The following ANO2 variants were observed in gnomAD, a reference collection of about 807,000 sequenced individuals.
ANO2 encodes anoctamin 2.
Under a neutral mutation model 124.2 loss-of-function variants are expected in ANO2, and 101 were observed. The ratio of observed to expected loss-of-function variants is 0.81; its 90% confidence interval spans 0.69 to 0.96. The LOEUF (loss-of-function observed/expected upper bound fraction) is 0.96, where lower values mean the gene tolerates loss of function less well. Ranked by LOEUF, ANO2 falls within the 40% of genes least tolerant of loss-of-function variation. The pLI is 0.00. For missense variants in ANO2, 1,293 were observed against 1,274.5 expected (o/e 1.01, Z -0.22); for synonymous variants, 486 against 482.5 (o/e 1.01, Z -0.09).
At chr12:5,739,147 A>G (rs1194721272) in intron 13 of ANO2, 170 bp downstream of exon 13, 1 of 714,642 alleles carries the variant, frequency 1.4e-6, no homozygotes, top group Non-Finnish European at 2.5e-6. Context: ...GCCTCAGAGT[A>G]GGTCAACCAT....
intron 20 of ANO2, among the ~76,000 whole-genome samples, chr12:5,582,795 A>G (rs1267270709): frequency 2.0e-5 from 3 of 152,004 alleles, no homozygotes; most frequent in African/African-American, 7.2e-5. Context: ...ACATGCCACT[A>G]CTGTCTGTAA....
chr12:5,923,163 T>TGCACAC (rs1555184604), intron 1 of ANO2, among the ~76,000 whole-genome samples: 1 of 16,128 alleles, frequency 6.2e-5, no homozygotes, highest in Admixed American at 1.1e-3. Context: ...CACACACGCA[T>TGCACAC]ACACACACAC....
intron 19 of ANO2, among the ~76,000 whole-genome samples, chr12:5,606,538 T>C (rs1457187665): frequency 6.6e-6 from 1 of 152,228 alleles, no homozygotes; most frequent in Non-Finnish European, 1.5e-5. Context: ...TGGAAACTGA[T>C]GGTGTTAGTT....
intron 4 of ANO2, among the ~76,000 whole-genome samples, chr12:5,841,259 G>A (rs1954504946): frequency 6.6e-6 from 1 of 152,214 alleles, no homozygotes; most frequent in African/African-American, 2.4e-5. Context: ...ACAACCTGGA[G>A]CCAAAGGAAG....
At chr12:5,803,646 G>A (rs4930804) in intron 9 of ANO2, among the ~76,000 whole-genome samples, 69,975 of 151,902 alleles carry the variant, frequency 0.46, 16,994 homozygotes, top group Non-Finnish European at 0.53. Flanking sequence ...CTAGGCAGCT[G>A]CTGGAAGCCA....
intron 12 of ANO2, chr12:5,740,997 A>G (rs1951076072): frequency 6.6e-6 from 1 of 152,374 alleles, no homozygotes; most frequent in South Asian, 2.1e-4. Flanking sequence ...CTTCCATAAC[A>G]TCAGTCCCCA....
At position 5,635,282 on chromosome 12, in the gene ANO2, C is replaced by T; in HGVS notation, c.1686G>A (p.Leu562=). Residue 562 remains leucine, a synonymous_variant, in exon 16 of 25, where the codon CTG becomes CTA. Coordinates refer to ENST00000682330, the MANE Select transcript of ANO2 (RefSeq NM_001364791.2). The surrounding 1 kb of genome is among the most constrained non-coding windows in gnomAD (Gnocchi z 5.2). The part of the protein sequence containing the change: ...IVYRITTAAA[L]SLNKATRSNV... ...TGGAGCGTGTAGCCTTATTGAGAGA[C>T]AGAGCGGCTGCAGTTGTTATTCGAT... The T allele has an allele frequency of 6.2e-7, 1 of 1,610,984 alleles. No individual in the cohort carries two copies. Among genetic ancestry groups the T allele is most frequent in the East Asian group, 2.2e-5 (1 of 44,774 alleles).
chr12:5,832,119 C>T (rs1267275784), intron 5 of ANO2, among the ~76,000 whole-genome samples: 1 of 152,170 alleles, frequency 6.6e-6, no homozygotes, highest in Non-Finnish European at 1.5e-5. Context: ...AGAAGGTTTT[C>T]CTACAGAAGA....
At chr12:5,595,192 T>TTA (rs1169354963) in intron 20 of ANO2, among the ~76,000 whole-genome samples, 1 of 152,162 alleles carries the variant, frequency 6.6e-6, no homozygotes, top group East Asian at 1.9e-4. Flanking sequence ...TACCGAGTGT[T>TTA]TGAGTTTTGT....
At chr12:5,843,330 A>G (rs1487084164) in intron 4 of ANO2, among the ~76,000 whole-genome samples, 1 of 152,146 alleles carries the variant, frequency 6.6e-6, no homozygotes, top group Non-Finnish European at 1.5e-5. Flanking sequence ...TGGGCGGATC[A>G]CTTGCGGTCA....
At chr12:5,877,675 C>T (rs535196913) in intron 3 of ANO2, among the ~76,000 whole-genome samples, 152 of 152,330 alleles carry the variant, frequency 1.0e-3, no homozygotes, top group African/African-American at 3.5e-3. Context: ...CAGTGGTCCC[C>T]AACCTTTTTG....
intron 14 of ANO2, among the ~76,000 whole-genome samples, chr12:5,652,953 G>T (rs1946980959): frequency 6.6e-6 from 1 of 152,102 alleles, no homozygotes; most frequent in South Asian, 2.1e-4. Context: ...CTCTGAAGGG[G>T]CAGTATCTAC....
chr12:5,867,908 C>G (rs1244782047), intron 3 of ANO2, among the ~76,000 whole-genome samples: 2 of 151,616 alleles, frequency 1.3e-5, no homozygotes, highest in Non-Finnish European at 2.9e-5. Context: ...GTTACCAGAG[C>G]CTGGGAAGGA....
At chr12:5,684,261 C>T (rs1010316842) in intron 14 of ANO2, among the ~76,000 whole-genome samples, 2 of 152,210 alleles carry the variant, frequency 1.3e-5, no homozygotes, top group Admixed American at 6.5e-5. Flanking sequence ...TCACAGCTAA[C>T]ACCAGGACTG....
intron 16 of ANO2, among the ~76,000 whole-genome samples, chr12:5,618,365 G>A (rs763068182): frequency 1.3e-5 from 2 of 152,158 alleles, no homozygotes; most frequent in Admixed American, 6.5e-5. Flanking sequence ...GCACAAAAGC[G>A]TCTGCTCCCA....
At chr12:5,572,845 C>T (rs1942203109) in intron 23 of ANO2, among the ~76,000 whole-genome samples, 1 of 152,074 alleles carries the variant, frequency 6.6e-6, no homozygotes, top group Non-Finnish European at 1.5e-5. Flanking sequence ...TTCTGCCACT[C>T]GGTGTCAGAT....
chr12:5,861,864 T>C (rs1955280763), intron 3 of ANO2, among the ~76,000 whole-genome samples: 1 of 151,980 alleles, frequency 6.6e-6, no homozygotes, highest in East Asian at 1.9e-4. Flanking sequence ...GCTGAGATGG[T>C]GGCCAGGGCA....
chr12:5,767,640 A>G (rs1951936767), intron 10 of ANO2, among the ~76,000 whole-genome samples: 1 of 152,248 alleles, frequency 6.6e-6, no homozygotes, highest in South Asian at 2.1e-4. Flanking sequence ...CAGATGGTGA[A>G]ACAGTTGATG....
chr12:5,703,502 G>T (rs942429536), intron 14 of ANO2, among the ~76,000 whole-genome samples: 1 of 152,114 alleles, frequency 6.6e-6, no homozygotes, highest in East Asian at 1.9e-4. Flanking sequence ...TATGGGCAAA[G>T]CTGTGTCATG....
Sources: gnomAD v4.1 joint callset for allele counts (sites outside exome capture counted in the v4.1 genomes callset) on GRCh38, gnomAD v4.1.1 for gene constraint, Gnocchi (gnomAD v3.1) non-coding constraint, MANE v1.5 for transcripts, NCBI Gene and HGNC (gene_info 2026-07-23, HGNC 2026-07-21) for gene names.